The following DPYSL2 variants were observed in gnomAD, a reference collection of about 807,000 sequenced individuals.
The protein encoded by DPYSL2 is dihydropyrimidinase-related protein 2.
DPYSL2 carries 13 observed loss-of-function variants against 69.9 expected under a neutral mutation model. That is an observed-to-expected ratio of 0.19 (90% confidence interval 0.12 to 0.30). DPYSL2 has a LOEUF of 0.30. DPYSL2 is among the 10% of genes least tolerant of loss of function. The probability of loss-of-function intolerance (pLI) is 1.00; values close to 1 mark genes in which losing one functional copy is unlikely to be tolerated. For synonymous variants in DPYSL2, 326 were observed against 359.1 expected, an observed-to-expected ratio of 0.91 and a Z score of 1.04; for missense variants, 587 against 918.9, an observed-to-expected ratio of 0.64 and a Z score of 4.67.
intron 1 of DPYSL2, chr8:26,578,613 A>C: frequency 8.1e-7 from 1 of 1,233,874 alleles, no homozygotes; most frequent in Non-Finnish European, 1.0e-6. Context: ...AAGCAAATGG[A>C]TGCCAGATTG....
chr8:26,599,732 TAAAAATA>T lies in DPYSL2; in HGVS notation c.628+15756_628+15762del, dbSNP rs1437854606. On this transcript the variant is annotated intron_variant, in intron 3 of 13. Coordinates refer to ENST00000521913, the MANE Select transcript of DPYSL2 (RefSeq NM_001197293.3). ...ACCCTGTCTCAAAAAAATAAATAAATAAAAATAAAAAATCTTAAAAAAATTTAGATAT... is the reference window on the plus strand; with the variant it reads ...ACCCTGTCTCAAAAAAATAAATAAATAAAAATCTTAAAAAAATTTAGATAT... Among the ~76,000 whole-genome samples, 7 of 152,022 alleles carry T rather than the reference TAAAAATA, an allele frequency of 4.6e-5. No homozygotes were observed. In the East Asian group the frequency reaches 1.4e-3, roughly 29 times the overall value.
At position 26,648,299 on chromosome 8, in the gene DPYSL2, T is replaced by G. The variant is rs1266576791; in HGVS notation, c.1596+499T>G. 6.6e-6 allele frequency among the ~76,000 whole-genome samples: 1 copy of G among 152,182 alleles called. No homozygotes were observed. The highest frequency in any genetic ancestry group is 1.9e-4 in the East Asian group (1 of 5,190). On this transcript the variant is annotated intron_variant, in intron 11 of 13. Transcript: ENST00000521913. This position sits in a 1 kb window ranked among gnomAD's most constrained non-coding sequence, Gnocchi z 4.3. The stretch of plus-strand genomic sequence containing the variant: ...TCTTAAAGGAATTGATTGACTGACT[T>G]CTCCCTAACAGAAGTACCCCCCAGC...
At position 26,640,295 on chromosome 8, in the gene DPYSL2, G is replaced by A. The variant is rs932534647; in HGVS notation, c.1127-3144G>A. On this transcript the variant is annotated intron_variant, in intron 8 of 13. Coordinates refer to ENST00000521913, the MANE Select transcript of DPYSL2 (RefSeq NM_001197293.3). This position sits in a 1 kb window ranked among gnomAD's most constrained non-coding sequence, Gnocchi z 4.2. ...CCCCTGCAGTTCTTGGCCTTATAGA[G>A]AGCCTGCCAGAGGCTGGCTTGGTCA... Among the ~76,000 whole-genome samples the A allele has an allele frequency of 4.6e-5, 7 of 152,202 alleles. No individual in the cohort carries two copies. The highest frequency in any genetic ancestry group is 8.8e-5 in the Non-Finnish European group (6 of 68,036).
intron 1 of DPYSL2, among the ~76,000 whole-genome samples, chr8:26,529,220 A>G (rs1037195857): frequency 6.6e-6 from 1 of 151,890 alleles, no homozygotes; most frequent in African/African-American, 2.4e-5. Context: ...GGCCTCATAT[A>G]TATATAAATT....
intron 1 of DPYSL2, among the ~76,000 whole-genome samples, chr8:26,529,335 A>G (rs2085761663): frequency 6.6e-6 from 1 of 151,356 alleles, no homozygotes; most frequent in African/African-American, 2.4e-5. Context: ...CTATCTATCT[A>G]TATATATATT....
At chr8:26,529,276 C>CT (rs1554531948) in intron 1 of DPYSL2, among the ~76,000 whole-genome samples, 14,537 of 134,962 alleles carry the variant, frequency 0.11, 842 homozygotes, top group African/African-American at 0.15. Flanking sequence ...ATCTATCTAT[C>CT]ATCTATCTAT....
At position 26,647,540 on chromosome 8, in the gene DPYSL2, C is replaced by T. The variant is rs191657165; in HGVS notation, c.1426-90C>T. 191 of 1,370,360 alleles carry T rather than the reference C, an allele frequency of 1.4e-4. No individual in the cohort carries two copies. The highest frequency in any genetic ancestry group is 1.2e-3 in the African/African-American group (82 of 69,092). The allele number at this position is 1,370,360 out of a possible 1,614,324, so 84.9% of individuals were successfully genotyped here. ...CGCTCTTGACATCCATCTAAGCTGTCGTGTGTATCAATAGTTTGTTATTGA... is the reference window on the plus strand; with the variant it reads ...CGCTCTTGACATCCATCTAAGCTGTTGTGTGTATCAATAGTTTGTTATTGA... On this transcript the variant is annotated intron_variant, in intron 10 of 13. Coordinates refer to ENST00000521913, the MANE Select transcript of DPYSL2 (RefSeq NM_001197293.3). The surrounding 1 kb of genome is among the most constrained non-coding windows in gnomAD (Gnocchi z 5.1).
rs543475606 is a variant in DPYSL2 at position 26,607,482 on chromosome 8, CA to C, written c.629-16645del. Among the ~76,000 whole-genome samples the C allele has an allele frequency of 6.8e-3, 719 of 105,720 alleles. 6 individuals carry two copies. The highest frequency in any genetic ancestry group is 0.058 in the East Asian group (211 of 3,630). 69.4% of individuals were successfully genotyped at this position (105,720 alleles called of 152,430 possible). A position where few individuals can be genotyped will look rare whatever the true frequency, so the allele number is the denominator to read the frequency against. The stretch of plus-strand genomic sequence containing the variant: ...TGGGCAACAGAGTGAGACTCTGTCT[CA>C]AAAAAAAAAAAAAAATCATTGTGGG... On this transcript the variant is annotated intron_variant, in intron 3 of 13. Coordinates refer to ENST00000521913, the MANE Select transcript of DPYSL2 (RefSeq NM_001197293.3).
At chr8:26,553,084 A>T (rs1412981673) in intron 1 of DPYSL2, among the ~76,000 whole-genome samples, 1 of 152,188 alleles carries the variant, frequency 6.6e-6, no homozygotes, top group Non-Finnish European at 1.5e-5. Context: ...TGAAATTCAC[A>T]ATCTACCTAA....
At chr8:26,569,367 AAAACAAAAAC>A (rs1563390234) in intron 1 of DPYSL2, among the ~76,000 whole-genome samples, 1 of 131,754 alleles carries the variant, frequency 7.6e-6, no homozygotes, top group East Asian at 2.6e-4. Flanking sequence ...AAAAAAAACA[AAAACAAAAAC>A]AAAAAAAAAC....
intron 3 of DPYSL2, among the ~76,000 whole-genome samples, chr8:26,611,528 G>A (rs745901919): frequency 2.0e-5 from 3 of 152,306 alleles, no homozygotes; most frequent in East Asian, 1.9e-4. Flanking sequence ...AGCCAAGTTC[G>A]TGTTTCTCCC....
Position 26,643,210 on chromosome 8 carries a change from T to C in DPYSL2, c.1127-229T>C. On this transcript the variant is annotated intron_variant, in intron 8 of 13. Coordinates refer to ENST00000521913, the MANE Select transcript of DPYSL2 (RefSeq NM_001197293.3). The surrounding 1 kb of genome is among the most constrained non-coding windows in gnomAD (Gnocchi z 6.5). ...GGGATCCTATAGGGAGGGTGTGTTG[T>C]TTGAAGAGCAGGGGCTGAAGGTGGA... 2.1e-6 allele frequency: 1 copy of C among 467,748 alleles called. No individual in the cohort carries two copies. The highest frequency in any genetic ancestry group is 3.7e-6 in the Non-Finnish European group (1 of 267,974). 29.0% of individuals were successfully genotyped at this position (467,748 alleles called of 1,614,324 possible). A position where few individuals can be genotyped will look rare whatever the true frequency, so the allele number is the denominator to read the frequency against.
At chr8:26,521,368 A>G (rs1046207640) in intron 1 of DPYSL2, among the ~76,000 whole-genome samples, 1 of 152,208 alleles carries the variant, frequency 6.6e-6, no homozygotes, top group Non-Finnish European at 1.5e-5. Context: ...TGACCTGCAC[A>G]GTCATCTAAC....
At chr8:26,541,958 T>C (rs998911414) in intron 1 of DPYSL2, among the ~76,000 whole-genome samples, 2 of 152,164 alleles carry the variant, frequency 1.3e-5, no homozygotes, top group African/African-American at 2.4e-5. Flanking sequence ...TAAATGTAAA[T>C]GGATTAATCT....
chr8:26,625,336 T>G (rs17055536), intron 4 of DPYSL2, among the ~76,000 whole-genome samples: 3,298 of 152,306 alleles, frequency 0.022, 108 homozygotes, highest in African/African-American at 0.073. Flanking sequence ...TCACTTTTGA[T>G]CATGCGGAGA....
At chr8:26,638,994 A>G (rs1378958134) in intron 8 of DPYSL2, among the ~76,000 whole-genome samples, 5 of 152,192 alleles carry the variant, frequency 3.3e-5, no homozygotes, top group Admixed American at 6.5e-5. Flanking sequence ...TCTGATGGAC[A>G]TTCTTTTCCG....
rs1351135895 is a variant in DPYSL2, at chr8:26,529,945, T to A, written c.354+15266T>A. 2.6e-5 allele frequency among the ~76,000 whole-genome samples: 4 copies of A among 150,998 alleles called. No homozygotes were observed. In the East Asian group the frequency reaches 7.8e-4, roughly 29 times the overall value. ...GGCTAACATGCTGAAACCTCGTTTC[T>A]ACTAATAATACAAAAAACTAGCTGG... On this transcript the variant is annotated intron_variant, in intron 1 of 13. Transcript: ENST00000521913.
intron 3 of DPYSL2, among the ~76,000 whole-genome samples, chr8:26,613,516 G>A (rs982706713): frequency 2.6e-5 from 4 of 152,234 alleles, no homozygotes; most frequent in African/African-American, 9.6e-5. Flanking sequence ...AGAGAGGCCC[G>A]CCTGCTTCAG....
At chr8:26,540,904 CAAAAAAA>C (rs56376341) in intron 1 of DPYSL2, among the ~76,000 whole-genome samples, 64 of 102,720 alleles carry the variant, frequency 6.2e-4, no homozygotes, top group African/African-American at 2.8e-3. Context: ...GACTCTGTCT[CAAAAAAA>C]AAAAAAAAAG....
Sources: gnomAD v4.1 joint callset for allele counts (sites outside exome capture counted in the v4.1 genomes callset) on GRCh38, gnomAD v4.1.1 for gene constraint, Gnocchi (gnomAD v3.1) non-coding constraint, MANE v1.5 for transcripts, NCBI Gene and HGNC (gene_info 2026-07-23, HGNC 2026-07-21) for gene names.